Variants in PHTF2 observed in about 807,000 individuals in gnomAD.
PHTF2 encodes the protein putative homeodomain transcription factor 2.
PHTF2 carries 60 observed loss-of-function variants against 101.2 expected under a neutral mutation model. The ratio of observed to expected loss-of-function variants is 0.59; its 90% confidence interval spans 0.48 to 0.73. The LOEUF (loss-of-function observed/expected upper bound fraction) is 0.73. Ranked by LOEUF, PHTF2 falls within the 30% of genes least tolerant of loss-of-function variation. The pLI is 0.00. For synonymous variants in PHTF2, 311 were observed against 307.3 expected (o/e 1.01, Z -0.13); for missense variants, 747 against 908.7 (o/e 0.82, Z 2.29).
In PHTF2 at chr7:77,945,765, C is replaced by G. The variant is rs567142862; in HGVS notation, c.1959+2979C>G. Reference sequence around the variant, plus strand: ...TATAGAAATGCATAATCTATTAAAACGGACTCAAAAAGTAATTGAAAACCT... The same window carrying G: ...TATAGAAATGCATAATCTATTAAAAGGGACTCAAAAAGTAATTGAAAACCT... On this transcript the variant is annotated intron_variant, in intron 16 of 19. Coordinates refer to ENST00000416283, the Ensembl canonical transcript of PHTF2. 3.3e-5 allele frequency among the ~76,000 whole-genome samples: 5 copies of G among 152,096 alleles called. No homozygotes were observed. The East Asian group carries it at 7.7e-4, about 23-fold the overall frequency.
At chr7:77,842,941 A>T (rs185775146) in intron 2 of PHTF2, among the ~76,000 whole-genome samples, 83 of 152,360 alleles carry the variant, frequency 5.4e-4, no homozygotes, top group Non-Finnish European at 2.9e-5. Flanking sequence ...CTTAATTTAC[A>T]AAAGCAGGCA....
At chr7:77,899,878 A>C (rs1231954162) in intron 5 of PHTF2, among the ~76,000 whole-genome samples, 1 of 152,056 alleles carries the variant, frequency 6.6e-6, no homozygotes, top group African/African-American at 2.4e-5. Context: ...AAGCTCTTGC[A>C]GTTCTTTTTG....
chr7:77,955,085 A>G, exon 20 of PHTF2: 1 of 315,576 alleles, frequency 3.2e-6, no homozygotes, highest in Non-Finnish European at 5.9e-6. Context: ...TTTATTTTTA[A>G]GCATTGATGT....
intron 16 of PHTF2, among the ~76,000 whole-genome samples, chr7:77,947,826 C>CTTTCTTTTTTTTTTTTT (rs1562976127): frequency 1.7e-4 from 15 of 86,932 alleles, no homozygotes; most frequent in African/African-American, 6.6e-4. Context: ...TTTCTTTTTT[C>CTTTCTTTTTTTTTTTTT]TTTTTTCTTT....
chr7:77,861,257 A>C (rs1365616568), intron 3 of PHTF2, among the ~76,000 whole-genome samples: 1 of 151,792 alleles, frequency 6.6e-6, no homozygotes, highest in Non-Finnish European at 1.5e-5. Flanking sequence ...TTCATGGTAA[A>C]GAGGGGTGTT....
intron 16 of PHTF2, 72 bp from the exon 16 acceptor site, chr7:77,949,604 CTA>C (rs1371235686): frequency 5.5e-6 from 4 of 733,612 alleles, no homozygotes; most frequent in Admixed American, 6.4e-5. Flanking sequence ...TATGAACAAT[CTA>C]TGTTTATTTC....
At chr7:77,943,422 C>T (rs1217795447) in intron 16 of PHTF2, among the ~76,000 whole-genome samples, 1 of 152,106 alleles carries the variant, frequency 6.6e-6, no homozygotes, top group South Asian at 2.1e-4. Flanking sequence ...CCACAGCGCC[C>T]GACCTATTCT....
At chr7:77,824,892 G>A (rs943743165) in intron 1 of PHTF2, among the ~76,000 whole-genome samples, 12 of 151,176 alleles carry the variant, frequency 7.9e-5, no homozygotes, top group African/African-American at 2.4e-4. Context: ...AACGTTAGCC[G>A]AGTGTGGTGG....
chr7:77,919,112 G>A (rs1803205211), intron 9 of PHTF2, among the ~76,000 whole-genome samples: 1 of 152,122 alleles, frequency 6.6e-6, no homozygotes, highest in Non-Finnish European at 1.5e-5. Context: ...CTGTACTCTA[G>A]TGCGAGCTTT....
rs553325750 is a variant in PHTF2, at chr7:77,895,211, G to GATAC, written c.216+1230_216+1233dup. ...TATGTATAGGTATGTGTTTGTATGT[G>GATAC]ATACATACATACATATATAAAACAT... On this transcript the variant is annotated intron_variant, in intron 5 of 19. Coordinates refer to ENST00000416283, the Ensembl canonical transcript of PHTF2. 3.1e-5 allele frequency: 14 copies of GATAC among 454,258 alleles called. 1 individual carries two copies. The highest frequency in any genetic ancestry group is 2.0e-4 in the South Asian group (13 of 64,018). 28.1% of individuals were successfully genotyped at this position (454,258 alleles called of 1,614,324 possible). A position where few individuals can be genotyped will look rare whatever the true frequency, so the allele number is the denominator to read the frequency against.
rs374383411 is a variant in PHTF2, at chr7:77,841,129, G to A, written c.45+829G>A. ...ATCTCTCTCTCTGTCACCCAGACTG[G>A]AGTGTAGTGGCGCGATCTCGGCTCA... On this transcript the variant is annotated intron_variant, in intron 2 of 19. Transcript: ENST00000416283. Among the ~76,000 whole-genome samples the A allele has an allele frequency of 1.7e-4, 21 of 124,202 alleles. No individual in the cohort carries two copies. The South Asian group carries it at 1.8e-3, about 11-fold the overall frequency. The allele number at this position is 124,202 out of a possible 152,430, so 81.5% of individuals were successfully genotyped here. A position where few individuals can be genotyped will look rare whatever the true frequency, so the allele number is the denominator to read the frequency against.
chr7:77,917,582 G>T (rs1211999058), intron 9 of PHTF2, among the ~76,000 whole-genome samples: 1 of 152,086 alleles, frequency 6.6e-6, no homozygotes, highest in Non-Finnish European at 1.5e-5. Flanking sequence ...TTCTGTGTCA[G>T]TGAGAAAAAT....
chr7:77,905,488 T>G (rs943779871), intron 7 of PHTF2, among the ~76,000 whole-genome samples: 3 of 151,724 alleles, frequency 2.0e-5, no homozygotes, highest in Admixed American at 1.3e-4. Flanking sequence ...CACTTCACCC[T>G]CTTAAAGTGC....
intron 9 of PHTF2, among the ~76,000 whole-genome samples, chr7:77,916,097 A>G (rs1485605118): frequency 6.6e-6 from 1 of 151,988 alleles, no homozygotes; most frequent in East Asian, 1.9e-4. Flanking sequence ...TTGCTGAGGA[A>G]TGGTGATTTC....
intron 1 of PHTF2, among the ~76,000 whole-genome samples, chr7:77,839,888 G>C (rs117210791): frequency 0.022 from 3,359 of 152,042 alleles, 52 homozygotes; most frequent in Middle Eastern, 0.068. Flanking sequence ...TGAATGAATT[G>C]GTTTCTTGTA....
chr7:77,955,316 A>C (rs1477720933), exon 20 of PHTF2: 1 of 152,766 alleles, frequency 6.5e-6, no homozygotes. Flanking sequence ...TTCTTTGGTA[A>C]ATCAAGATCC....
chr7:77,856,755 G>A (rs1368211529), intron 3 of PHTF2, among the ~76,000 whole-genome samples: 1 of 151,974 alleles, frequency 6.6e-6, no homozygotes, highest in African/African-American at 2.4e-5. Context: ...TAATGTATTA[G>A]GTATTATAAA....
intron 1 of PHTF2, among the ~76,000 whole-genome samples, chr7:77,825,663 A>G (rs1352488708): frequency 2.0e-5 from 3 of 152,236 alleles, no homozygotes; most frequent in Admixed American, 6.5e-5. Context: ...CCTGATTCTC[A>G]AACTGAAGTT....
intron 3 of PHTF2, among the ~76,000 whole-genome samples, chr7:77,868,467 C>T (rs1032181470): frequency 6.6e-6 from 1 of 151,062 alleles, no homozygotes; most frequent in Non-Finnish European, 1.5e-5. Flanking sequence ...ACTCGCCCAG[C>T]CAAAATTGAA....
Sources: gnomAD v4.1 joint callset for allele counts (sites outside exome capture counted in the v4.1 genomes callset) on GRCh38, gnomAD v4.1.1 for gene constraint, MANE v1.5 for transcripts, NCBI Gene and HGNC (gene_info 2026-07-23, HGNC 2026-07-21) for gene names.